The following VEGFD variants were observed in gnomAD, a reference collection of about 807,000 sequenced individuals.
VEGFD encodes c-fos induced growth factor (vascular endothelial growth factor D).
VEGFD carries 26 observed loss-of-function variants against 28.0 expected under a neutral mutation model. That is an observed-to-expected ratio of 0.93 (90% CI 0.68 to 1.29). The LOEUF (loss-of-function observed/expected upper bound fraction) is 1.29. VEGFD is among the 50% of genes most tolerant of loss of function. VEGFD has a pLI of 0.00. For synonymous variants in VEGFD, 93 were observed against 95.5 expected (o/e 0.97, Z 0.15); for missense variants, 294 against 273.4 (o/e 1.08, Z -0.53).
Position 15,383,848 on chromosome X carries a change from C to T in VEGFD, c.90+9G>A, listed in dbSNP as rs372111082. On this transcript the variant is annotated intron_variant, in intron 1 of 6. Coordinates refer to ENST00000297904, the MANE Select transcript of VEGFD (RefSeq NM_004469.5). The stretch of plus-strand genomic sequence containing the variant: ...GAACTTCATCACATTAAAAATTGAG[C>T]TCACCTACCTTCACTGGTCCATGTT... 2 of 1,190,897 alleles carry T rather than the reference C, an allele frequency of 1.7e-6. No individual in the cohort carries two copies. The highest frequency in any genetic ancestry group is 3.5e-5 in the African/African-American group (2 of 56,859).
intron 1 of VEGFD, among the ~76,000 whole-genome samples, chrX:15,379,167 T>G (rs1413226945): frequency 8.9e-6 from 1 of 111,810 alleles, no homozygotes; most frequent in Non-Finnish European, 1.9e-5. Flanking sequence ...ACCTGACATG[T>G]TACACATTTG....
At chrX:15,358,429 C>T (rs1304140173) in intron 2 of VEGFD, among the ~76,000 whole-genome samples, 1 of 111,817 alleles carries the variant, frequency 8.9e-6, no homozygotes, top group Non-Finnish European at 1.9e-5. Context: ...TATTTTATTT[C>T]CCTTTGAGGT....
At chrX:15,380,339 T>C (rs1923538882) in intron 1 of VEGFD, among the ~76,000 whole-genome samples, 2 of 112,579 alleles carry the variant, frequency 1.8e-5, no homozygotes, top group African/African-American at 6.5e-5. Flanking sequence ...AGAAGGCAAG[T>C]AACACAAATG....
At chrX:15,353,929 T>C (rs1476707774) in intron 4 of VEGFD, among the ~76,000 whole-genome samples, 1 of 111,091 alleles carries the variant, frequency 9.0e-6, no homozygotes, top group Non-Finnish European at 1.9e-5. Context: ...ACAGTTTATT[T>C]ACGAAAATTA....
At chrX:15,349,127 G>A (rs1276713990) in intron 5 of VEGFD, among the ~76,000 whole-genome samples, 1 of 112,899 alleles carries the variant, frequency 8.9e-6, no homozygotes, top group Non-Finnish European at 1.9e-5. Context: ...AGCTCTGTAA[G>A]TCATATGCCA....
intron 2 of VEGFD, among the ~76,000 whole-genome samples, chrX:15,360,056 C>T (rs1224308289): frequency 8.9e-6 from 1 of 112,212 alleles, no homozygotes; most frequent in African/African-American, 3.2e-5. Flanking sequence ...CCTGAATTCC[C>T]ATATAGGGGA....
chrX:15,361,765 A>G (rs990657060), intron 2 of VEGFD, among the ~76,000 whole-genome samples: 1 of 112,469 alleles, frequency 8.9e-6, no homozygotes, highest in Admixed American at 9.4e-5. Context: ...GTGCCTAATC[A>G]GAAACCACAG....
chrX:15,367,509 T>C (rs1923175616), intron 1 of VEGFD, among the ~76,000 whole-genome samples: 1 of 112,355 alleles, frequency 8.9e-6, no homozygotes, highest in South Asian at 3.6e-4. Context: ...AGTTGGACAG[T>C]ACTCCATATA....
intron 1 of VEGFD, among the ~76,000 whole-genome samples, chrX:15,383,580 ACTTC>A (rs1923639956): frequency 8.9e-6 from 1 of 111,950 alleles, no homozygotes; most frequent in East Asian, 2.8e-4. Flanking sequence ...CCGAGGAGAA[ACTTC>A]TCCATCCAAA....
At chrX:15,359,565 C>A (rs1922958220) in intron 2 of VEGFD, among the ~76,000 whole-genome samples, 1 of 108,743 alleles carries the variant, frequency 9.2e-6, no homozygotes, top group Admixed American at 1.0e-4. Flanking sequence ...CACCAACAGG[C>A]CCTGGTTTGT....
At chrX:15,366,261 C>G (rs748344853) in intron 1 of VEGFD, among the ~76,000 whole-genome samples, 4 of 111,993 alleles carry the variant, frequency 3.6e-5, no homozygotes, top group Non-Finnish European at 5.6e-5. Flanking sequence ...CCACCCACCT[C>G]GGCCTCCCAC....
chrX:15,380,623 A>G (rs1602233325), intron 1 of VEGFD, among the ~76,000 whole-genome samples: 1 of 113,199 alleles, frequency 8.8e-6, no homozygotes, highest in African/African-American at 3.2e-5. Flanking sequence ...TTCATTAGTG[A>G]CATTGAAAAG....
intron 1 of VEGFD, among the ~76,000 whole-genome samples, chrX:15,378,327 G>C (rs1410213912): frequency 2.7e-5 from 3 of 112,048 alleles, no homozygotes; most frequent in African/African-American, 9.7e-5. Flanking sequence ...TGAATATACT[G>C]CCTTAAAAAT....
rs777448087 is a variant in VEGFD, at chrX:15,356,478, T to C, written c.493-1180A>G. Among the ~76,000 whole-genome samples, 3 of 112,483 alleles carry C rather than the reference T, an allele frequency of 2.7e-5. No individual in the cohort carries two copies. In the South Asian group the frequency reaches 1.1e-3, roughly 41 times the overall value. On this transcript the variant is annotated intron_variant, in intron 3 of 6. Coordinates refer to ENST00000297904, the MANE Select transcript of VEGFD (RefSeq NM_004469.5). ...TAAGTACATTGTATGAAATTAATCA[T>C]TTGTTGAGTACAGCAGTCAAAATAA... is the stretch of plus-strand genomic sequence containing the variant.
chrX:15,367,052 A>G (rs766945856), intron 1 of VEGFD, among the ~76,000 whole-genome samples: 7 of 112,140 alleles, frequency 6.2e-5, no homozygotes, highest in Admixed American at 2.8e-4. Context: ...AGCTGGGGGA[A>G]AGAGGCAACA....
chrX:15,356,891 T>A (rs1488512491), intron 3 of VEGFD, among the ~76,000 whole-genome samples: 1 of 112,099 alleles, frequency 8.9e-6, no homozygotes, highest in East Asian at 2.8e-4. Flanking sequence ...GATAAGTAAA[T>A]CTATTAACAA....
chrX:15,354,093 C>A (rs1031098129), intron 4 of VEGFD, among the ~76,000 whole-genome samples: 36 of 108,379 alleles, frequency 3.3e-4, no homozygotes, highest in Non-Finnish European at 5.9e-4. Context: ...CTCAGCCTCC[C>A]AAGTAACTGG....
intron 1 of VEGFD, among the ~76,000 whole-genome samples, chrX:15,365,482 C>A (rs1456832548): frequency 2.7e-5 from 3 of 111,868 alleles, no homozygotes; most frequent in African/African-American, 9.8e-5. Flanking sequence ...GACCTCCCAG[C>A]CTAATTTAGC....
At chrX:15,353,493 ACT>A (rs888882426) in intron 4 of VEGFD, among the ~76,000 whole-genome samples, 7 of 112,522 alleles carry the variant, frequency 6.2e-5, no homozygotes, top group African/African-American at 2.3e-4. Flanking sequence ...TAATCCCAGC[ACT>A]TTGGGAGTCC....
Sources: gnomAD v4.1 joint callset for allele counts (sites outside exome capture counted in the v4.1 genomes callset) on GRCh38, gnomAD v4.1.1 for gene constraint, MANE v1.5 for transcripts, NCBI Gene and HGNC (gene_info 2026-07-23, HGNC 2026-07-21) for gene names.